MACF1: variants seen among roughly 807,000 people sequenced by gnomAD.
The protein encoded by MACF1 is microtubule-actin cross-linking factor 1.
In MACF1, 193 loss-of-function variants were observed where a neutral mutation model predicts 854.8. That is an observed-to-expected ratio of 0.23 (90% CI 0.20 to 0.25). MACF1 has a LOEUF of 0.25. MACF1 is among the 10% of genes least tolerant of loss of function. The pLI, the probability that MACF1 is intolerant of heterozygous loss-of-function variation, is 1.00. For synonymous variants in MACF1, 3,185 were observed against 3,226.7 expected, an observed-to-expected ratio of 0.99 and a Z score of 0.44; for missense variants, 7,722 against 8,929.1, an observed-to-expected ratio of 0.86 and a Z score of 5.45.
chr1:39,126,237 A>G (rs942000758), intron 2 of MACF1, among the ~76,000 whole-genome samples: 1 of 152,178 alleles, frequency 6.6e-6, no homozygotes, highest in African/African-American at 2.4e-5. Flanking sequence ...AACCTGTTCC[A>G]TGCATCTCTT....
intron 2 of MACF1, among the ~76,000 whole-genome samples, chr1:39,234,316 G>T (rs1644825103): frequency 6.6e-6 from 1 of 151,914 alleles, no homozygotes; most frequent in African/African-American, 2.4e-5. Context: ...ACACCTCCCA[G>T]ACGGGGTGGT....
chr1:39,334,074 C>A lies in MACF1; in HGVS notation c.7486C>A (p.Arg2496Ser). Residue 2496 changes from arginine (R) to serine (S), a missense_variant, in exon 37 of 101, where the codon CGT becomes AGT. Transcript: ENST00000564288. ...RGLLEREEAV[R>S]LLTKQVVDGG... ...TCTTTTGGAGAGAGAGGAGGCCGTT[C>A]GTTTGTTGACTAAGCAAGTGGTAGA... 6.2e-7 allele frequency: 1 copy of A among 1,614,122 alleles called. No individual in the cohort carries two copies. Among genetic ancestry groups the A allele is most frequent in the Non-Finnish European group, 8.5e-7 (1 of 1,180,012 alleles).
intron 2 of MACF1, among the ~76,000 whole-genome samples, chr1:39,123,709 C>CTTATTTTTTTTT (rs1376838861): frequency 2.1e-5 from 2 of 94,388 alleles, no homozygotes; most frequent in Non-Finnish European, 2.2e-5. Flanking sequence ...CCGGCTAATT[C>CTTATTTTTTTTT]TTGTTTTGTT....
At chr1:39,348,066 C>G (rs758272189) in intron 41 of MACF1, among the ~76,000 whole-genome samples, 1 of 152,034 alleles carries the variant, frequency 6.6e-6, no homozygotes, top group Non-Finnish European at 1.5e-5. Flanking sequence ...CTCAAGGGCT[C>G]CTTTATTAAA....
chr1:39,331,221 G>A lies in MACF1; in HGVS notation c.4633G>A (p.Gly1545Arg). ...TEQKECRAVAGVIDLGTVEIF... is the reference protein window; with the variant it reads ...TEQKECRAVARVIDLGTVEIF... The stretch of plus-strand genomic sequence containing the variant: ...TTTTTAGGAATGCAGAGCAGTTGCT[G>A]GGGTGATTGACCTAGGCACAGTGGA... The change falls in exon 37 of 101, where the codon GGG becomes AGG. Residue 1545 changes from glycine (G) to arginine (R), a missense_variant. Gly to Arg is a moderately radical substitution (Grantham distance 125). Transcript: ENST00000564288. The A allele has an allele frequency of 6.3e-7, 1 of 1,575,832 alleles. No homozygotes were observed. The highest frequency in any genetic ancestry group is 8.6e-7 in the Non-Finnish European group (1 of 1,164,998).
At chr1:39,200,989 A>G (rs1571166472), upstream of MACF1, among the ~76,000 whole-genome samples, 1 of 152,138 alleles carries the variant, frequency 6.6e-6, no homozygotes, top group African/African-American at 2.4e-5. Context: ...GGACATTTCT[A>G]CCCTGCCCCC....
At chr1:39,203,046 A>AAAAT (rs889967673), upstream of MACF1, among the ~76,000 whole-genome samples, 30 of 152,220 alleles carry the variant, frequency 2.0e-4, no homozygotes, top group African/African-American at 5.5e-4. Context: ...AAGCAAAAGG[A>AAAAT]AAATAAATAA....
rs767515205 is a variant in MACF1 at position 39,432,659 on chromosome 1, G to A, written c.17457+5G>A. On this transcript the variant is annotated splice_donor_5th_base_variant and intron_variant, in intron 67 of 100. Transcript: ENST00000564288. ...GCTCAGCTTCAGGTACAGAAGGTAC[G>A]TGCCCACTCTTTCCTGAGCTAATAG... 22 of 1,612,830 alleles carry A rather than the reference G, an allele frequency of 1.4e-5. No homozygotes were observed. The highest frequency in any genetic ancestry group is 3.3e-5 in the Admixed American group (2 of 59,748).
chr1:39,445,401 C>T (rs1644205820), intron 80 of MACF1, among the ~76,000 whole-genome samples: 1 of 152,136 alleles, frequency 6.6e-6, no homozygotes, highest in African/African-American at 2.4e-5. Context: ...TTTTGCTGCT[C>T]AGATCAAGTA....
chr1:39,423,420 G>T (rs1294747226), intron 60 of MACF1, among the ~76,000 whole-genome samples: 6 of 152,098 alleles, frequency 3.9e-5, no homozygotes, highest in South Asian at 2.1e-4. Flanking sequence ...CGGATCACAA[G>T]GTCAGGAGAT....
chr1:39,418,449 G>A (rs1643409839), intron 58 of MACF1, among the ~76,000 whole-genome samples: 1 of 152,324 alleles, frequency 6.6e-6, no homozygotes, highest in South Asian at 2.1e-4. Context: ...AGAAAGAGAA[G>A]AGAGTCCAGG....
chr1:39,235,586 G>T (rs1644851508), intron 2 of MACF1, among the ~76,000 whole-genome samples: 2 of 152,230 alleles, frequency 1.3e-5, no homozygotes, highest in Admixed American at 1.3e-4. Flanking sequence ...AAGATTGCAT[G>T]CATCTGTCTT....
chr1:39,387,056 ATGCC>A (rs1235450883), intron 57 of MACF1, 127 bp from the exon 58 acceptor site: 3 of 899,320 alleles, frequency 3.3e-6, no homozygotes, highest in Non-Finnish European at 5.1e-6. Context: ...GCCTAATTAT[ATGCC>A]TCTTTTTGGT....
chr1:39,282,430 T>C, intron 7 of MACF1, 56 bp downstream of exon 7: 1 of 1,516,304 alleles, frequency 6.6e-7, no homozygotes, highest in East Asian at 2.3e-5. Context: ...CTCTTGTTTG[T>C]AATTAGTTAT....
chr1:39,385,932 A>G lies in MACF1; in HGVS notation c.14344+3A>G. The G allele has an allele frequency of 6.2e-7, 1 of 1,600,394 alleles. No homozygotes were observed. On this transcript the variant is annotated splice_donor_region_variant and intron_variant, in intron 57 of 100. Coordinates refer to ENST00000564288, the MANE Select transcript of MACF1 (RefSeq NM_001394062.1). ...CCAAGGTTTAGAAGACCTTGCAGGT[A>G]AGTTGGGGTGAAGAACATACTTCTG...
intron 94 of MACF1, chr1:39,464,819 C>T (rs1644628649): frequency 2.5e-6 from 1 of 393,278 alleles, no homozygotes; most frequent in South Asian, 2.4e-5. Flanking sequence ...GAGGCTGAGG[C>T]AGGAGAATTG....
In MACF1 at chr1:39,196,867, A is replaced by G. The variant is rs1453350059; in HGVS notation, c.221-34315A>G. 3.3e-5 allele frequency among the ~76,000 whole-genome samples: 5 copies of G among 152,326 alleles called. No homozygotes were observed. The East Asian group carries it at 9.6e-4, about 29-fold the overall frequency. On this transcript the variant is annotated intron_variant, in intron 2 of 93. Coordinates refer to the MACF1 transcript ENST00000361689. ...CCTTGTGTTGAGATTTCTTGTGGGT[A>G]ACAGTTAGGGGAGACCATCCCAAAT...
chr1:39,424,495 TTA>T (rs1425281984), intron 61 of MACF1, among the ~76,000 whole-genome samples: 8 of 152,128 alleles, frequency 5.3e-5, no homozygotes, highest in African/African-American at 1.9e-4. Flanking sequence ...TCCAGCCGAG[TTA>T]TTTTCTGAGT....
chr1:39,231,729 G>T (rs781499244), intron 2 of MACF1, among the ~76,000 whole-genome samples: 2 of 150,960 alleles, frequency 1.3e-5, no homozygotes, highest in Non-Finnish European at 2.9e-5. Flanking sequence ...TTTTAAAATA[G>T]ACACAGGGTC....
Sources: allele counts gnomAD v4.1 joint callset (sites outside exome capture counted in the v4.1 genomes callset), GRCh38; gene constraint gnomAD v4.1.1; transcripts MANE v1.5; gene names NCBI Gene and HGNC (gene_info 2026-07-23, HGNC 2026-07-21).